PRKCH: variants seen among roughly 807,000 people sequenced by gnomAD.
The protein encoded by PRKCH is protein kinase C eta type.
Under a neutral mutation model 82.5 loss-of-function variants are expected in PRKCH, and 28 were observed. The observed-to-expected ratio is 0.34, with a 90% CI of 0.25 to 0.47. The LOEUF is 0.47. Ranked by LOEUF, PRKCH falls within the 20% of genes least tolerant of loss-of-function variation. The probability of loss-of-function intolerance (pLI) is 1.00; values close to 1 mark genes in which losing one functional copy is unlikely to be tolerated. For missense variants in PRKCH, 705 were observed against 881.8 expected, an observed-to-expected ratio of 0.80 and a Z score of 2.54; for synonymous variants, 322 against 327.4, an observed-to-expected ratio of 0.98 and a Z score of 0.18.
At chr14:61,413,810 C>T (rs1536014) in intron 2 of PRKCH, among the ~76,000 whole-genome samples, 120,436 of 152,014 alleles carry the variant, frequency 0.79, 50,270 homozygotes, top group East Asian at 1. Context: ...CTCTTCCAGC[C>T]GCTACTTAAG....
chr14:61,350,851 A>G (rs2046064887), intron 1 of PRKCH, among the ~76,000 whole-genome samples: 1 of 152,198 alleles, frequency 6.6e-6, no homozygotes, highest in African/African-American at 2.4e-5. Flanking sequence ...GTGCTCAGAG[A>G]TTGGCCCTTT....
chr14:61,262,935 C>T (rs550472504), intron 1 of PRKCH, among the ~76,000 whole-genome samples: 2 of 152,234 alleles, frequency 1.3e-5, no homozygotes, highest in African/African-American at 4.8e-5. Context: ...CTTTAATATA[C>T]ATTATCTCAT....
intron 12 of PRKCH, among the ~76,000 whole-genome samples, chr14:61,536,651 A>T (rs557591482): frequency 1.8e-4 from 28 of 152,266 alleles, no homozygotes; most frequent in Middle Eastern, 3.4e-3. Context: ...TTTATGTTAC[A>T]TGCCATAGAG....
chr14:61,520,623 C>T (rs1172506636), intron 10 of PRKCH, among the ~76,000 whole-genome samples: 1 of 152,032 alleles, frequency 6.6e-6, no homozygotes, highest in Non-Finnish European at 1.5e-5. Context: ...TTCAAATGGC[C>T]ATTAAACATA....
chr14:61,512,964 A>C (rs886451608), intron 10 of PRKCH, among the ~76,000 whole-genome samples: 1 of 152,114 alleles, frequency 6.6e-6, no homozygotes, highest in Non-Finnish European at 1.5e-5. Context: ...CTACAGGTAC[A>C]CACCACCACA....
At chr14:61,413,138 T>C (rs1882356849) in intron 2 of PRKCH, among the ~76,000 whole-genome samples, 1 of 152,190 alleles carries the variant, frequency 6.6e-6, no homozygotes, top group Non-Finnish European at 1.5e-5. Flanking sequence ...AAACGTTTTG[T>C]ATCTGCGTCT....
rs376567411 is a variant in PRKCH at position 61,280,088 on chromosome 14, G to A, written c.-19+92420G>A. The A allele has an allele frequency of 6.2e-6, 10 of 1,602,694 alleles. No homozygotes were observed. The African/African-American group carries it at 6.7e-5, about 11-fold the overall frequency. On this transcript the variant is annotated intron_variant, in intron 1 of 3. Transcript: ENST00000555185. The surrounding 1 kb of genome is among the most constrained non-coding windows in gnomAD (Gnocchi z 5.0). ...AAGCAGGAGGGATCCCTGGAAAGCC[G>A]GAATCACTCCTCGTCGTCGTCGTCC...
intron 10 of PRKCH, among the ~76,000 whole-genome samples, chr14:61,492,637 A>T (rs547669691): frequency 2.0e-5 from 3 of 152,376 alleles, no homozygotes; most frequent in African/African-American, 7.2e-5. Flanking sequence ...AGAAAAATCC[A>T]GTTGAGATCA....
intron 1 of PRKCH, among the ~76,000 whole-genome samples, chr14:61,249,065 A>ATG (rs1736718116): frequency 6.6e-6 from 1 of 152,014 alleles, no homozygotes; most frequent in Non-Finnish European, 1.5e-5. Flanking sequence ...GCCTCCCAAA[A>ATG]TGCTGGGATT....
chr14:61,303,880 T>A (rs2140105810), intron 1 of PRKCH: 1 of 151,840 alleles, frequency 6.6e-6, no homozygotes. Context: ...GGCAGCATTC[T>A]CCAACTAAAT....
chr14:61,202,447 G>A (rs185249544), intron 1 of PRKCH, among the ~76,000 whole-genome samples: 1 of 152,260 alleles, frequency 6.6e-6, no homozygotes, highest in East Asian at 1.9e-4. Flanking sequence ...ACAATTTTGG[G>A]AGGTATTTGA....
At chr14:61,253,110 C>A (rs1377014835) in intron 1 of PRKCH, among the ~76,000 whole-genome samples, 3 of 152,158 alleles carry the variant, frequency 2.0e-5, no homozygotes, top group South Asian at 2.1e-4. Flanking sequence ...GATTAAAAAC[C>A]AACCCCATAA....
At chr14:61,210,754 T>C (rs958710624) in intron 1 of PRKCH, among the ~76,000 whole-genome samples, 1 of 144,316 alleles carries the variant, frequency 6.9e-6, no homozygotes, top group African/African-American at 2.6e-5. Flanking sequence ...CAAGAGTCCT[T>C]TCTCTCTCTC....
At chr14:61,539,670 G>A (rs1050415966) in intron 12 of PRKCH, among the ~76,000 whole-genome samples, 1 of 151,780 alleles carries the variant, frequency 6.6e-6, no homozygotes, top group South Asian at 2.1e-4. Context: ...AGCATCTGTA[G>A]CTGAGGGAAG....
rs549530258 is a variant in PRKCH, at chr14:61,188,017, C to G, written c.-19+349C>G. On this transcript the variant is annotated intron_variant, in intron 1 of 3. Coordinates refer to the PRKCH transcript ENST00000555185. ...TCTGAGTCTGACTCTTAGCATCCCA[C>G]TAACTCGCTGTATGACCTTGGACAG... Among the ~76,000 whole-genome samples the G allele has an allele frequency of 2.0e-5, 3 of 152,338 alleles. No homozygotes were observed. In the South Asian group the frequency reaches 6.2e-4, roughly 32 times the overall value.
rs139534371 is a variant in PRKCH at position 61,388,685 on chromosome 14, A to G, written c.364-2540A>G. On this transcript the variant is annotated intron_variant, in intron 1 of 13. Coordinates refer to ENST00000332981, the MANE Select transcript of PRKCH (RefSeq NM_006255.5). ...TTTGACTTGAAACAAGTCAAGGCAGAGAGTGGAGACAATTAGAGGCTGATA... is the reference window on the plus strand; with the variant it reads ...TTTGACTTGAAACAAGTCAAGGCAGGGAGTGGAGACAATTAGAGGCTGATA... Among the ~76,000 whole-genome samples, 31 of 152,330 alleles carry G rather than the reference A, an allele frequency of 2.0e-4. 1 individual carries two copies. The East Asian group carries it at 5.4e-3, about 26-fold the overall frequency.
intron 1 of PRKCH, among the ~76,000 whole-genome samples, chr14:61,372,912 AT>A (rs1010193063): frequency 2.0e-5 from 3 of 152,070 alleles, no homozygotes; most frequent in African/African-American, 7.3e-5. Context: ...CCTAAAAAAA[AT>A]TCTCTGATAG....
At chr14:61,328,836 A>C (rs2045740743) in intron 1 of PRKCH, among the ~76,000 whole-genome samples, 1 of 152,012 alleles carries the variant, frequency 6.6e-6, no homozygotes, top group Non-Finnish European at 1.5e-5. Flanking sequence ...AAAAAATAAA[A>C]TTAGCCAGGC....
chr14:61,320,907 C>T (rs529262003), upstream of PRKCH, among the ~76,000 whole-genome samples: 20 of 152,268 alleles, frequency 1.3e-4, no homozygotes, highest in African/African-American at 4.3e-4. Flanking sequence ...AGAAACCACC[C>T]GCAGAGGAAG....
Sources: allele counts gnomAD v4.1 joint callset (sites outside exome capture counted in the v4.1 genomes callset), GRCh38; gene constraint gnomAD v4.1.1; non-coding constraint Gnocchi (gnomAD v3.1); transcripts MANE v1.5; gene names NCBI Gene and HGNC (gene_info 2026-07-23, HGNC 2026-07-21).